Variants in PIR observed in about 807,000 individuals in gnomAD.
The protein encoded by PIR is pirin, also known as pirin (iron-binding nuclear protein).
A neutral mutation model predicts 24.2 loss-of-function variants in PIR; 22 were observed. That is an observed-to-expected ratio of 0.91 (90% CI 0.65 to 1.30). PIR has a LOEUF of 1.30. Among genes scored for constraint, PIR ranks in the 50% most tolerant of loss-of-function variants. The probability of loss-of-function intolerance (pLI) is 0.00; values close to 1 mark genes in which losing one functional copy is unlikely to be tolerated. For synonymous variants in PIR, 80 were observed against 79.6 expected (o/e 1.00, Z -0.03); for missense variants, 220 against 220.3 (o/e 1.00, Z 0.01).
chrX:15,485,195 A>G (rs1052853460), intron 2 of PIR, among the ~76,000 whole-genome samples: 4 of 112,202 alleles, frequency 3.6e-5, no homozygotes, highest in African/African-American at 1.3e-4. Flanking sequence ...AACTGGCTGG[A>G]TTATAAACAA....
At chrX:15,472,535 T>C (rs756936995) in intron 3 of PIR, among the ~76,000 whole-genome samples, 148 of 112,496 alleles carry the variant, frequency 1.3e-3, no homozygotes, top group African/African-American at 4.6e-3. Context: ...GAATGAACCT[T>C]GAAAACATTA....
intron 5 of PIR, among the ~76,000 whole-genome samples, chrX:15,444,477 C>T (rs1926022018): frequency 9.0e-6 from 1 of 111,668 alleles, no homozygotes; most frequent in Non-Finnish European, 1.9e-5. Context: ...CCCTTTATTA[C>T]AGTGATCTGG....
intron 2 of PIR, among the ~76,000 whole-genome samples, chrX:15,482,085 C>T (rs1922534686): frequency 8.9e-6 from 1 of 111,961 alleles, no homozygotes; most frequent in South Asian, 3.7e-4. Context: ...GGCACTTAAT[C>T]GCTCCCTATG....
At chrX:15,432,606 G>A (rs947707386) in intron 5 of PIR, among the ~76,000 whole-genome samples, 13 of 112,267 alleles carry the variant, frequency 1.2e-4, no homozygotes, top group African/African-American at 3.6e-4. Flanking sequence ...TTGCTGGAGC[G>A]AATGACATAA....
chrX:15,399,126 G>C (rs756485305), intron 7 of PIR, among the ~76,000 whole-genome samples: 3 of 111,672 alleles, frequency 2.7e-5, no homozygotes, highest in Non-Finnish European at 5.6e-5. Flanking sequence ...GGGCAGGAGA[G>C]AGAAGGTTTC....
Position 15,385,116 on chromosome X carries a change from C to A in PIR, c.761G>T (p.Gly254Val), listed in dbSNP as rs996737505. 61 of 1,059,152 alleles carry A rather than the reference C, an allele frequency of 5.8e-5. No individual in the cohort carries two copies. The highest frequency in any genetic ancestry group is 6.7e-5 in the Non-Finnish European group (51 of 764,323). 87.3% of individuals were successfully genotyped at this position (1,059,152 alleles called of 1,213,427 possible). Residue 254 changes from glycine to valine, a missense_variant and splice_region_variant, in exon 10 of 10, where the codon GGT becomes GTT. Coordinates refer to ENST00000380420, the MANE Select transcript of PIR (RefSeq NM_001018109.3). ...TTCATTGGTGTTCATCACAAATGGA[C>A]CTAGGGCAGAAAGAGACATTCAGAA... ...EPLREPVIQH[G>V]PFVMNTNEEI...
chrX:15,406,231 G>A (rs1295036040), intron 7 of PIR, among the ~76,000 whole-genome samples: 1 of 112,581 alleles, frequency 8.9e-6, no homozygotes, highest in East Asian at 2.8e-4. Context: ...TGGGGATGAG[G>A]AGGAGAAAAC....
intron 5 of PIR, among the ~76,000 whole-genome samples, chrX:15,453,723 G>A (rs984896563): frequency 8.9e-6 from 1 of 111,966 alleles, no homozygotes; most frequent in Non-Finnish European, 1.9e-5. Flanking sequence ...TCTTATCCTT[G>A]GCTGTGATTA....
chrX:15,457,711 T>G (rs1212320167), intron 4 of PIR, among the ~76,000 whole-genome samples: 5 of 112,170 alleles, frequency 4.5e-5, no homozygotes, highest in Non-Finnish European at 7.5e-5. Flanking sequence ...AGGAGGCCAG[T>G]GCATACTTTA....
intron 4 of PIR, among the ~76,000 whole-genome samples, chrX:15,457,834 C>T (rs1427243621): frequency 1.8e-5 from 2 of 112,321 alleles, no homozygotes; most frequent in Non-Finnish European, 3.8e-5. Flanking sequence ...CCAATCTAAC[C>T]TGCCACCTGT....
At chrX:15,475,253 C>T (rs1922134266) in intron 3 of PIR, among the ~76,000 whole-genome samples, 1 of 111,212 alleles carries the variant, frequency 9.0e-6, no homozygotes, top group Non-Finnish European at 1.9e-5. Flanking sequence ...TAATTATGAG[C>T]GTGGCTTTTC....
intron 3 of PIR, among the ~76,000 whole-genome samples, chrX:15,471,728 G>A (rs1015590973): frequency 8.9e-6 from 1 of 111,808 alleles, no homozygotes; most frequent in African/African-American, 3.3e-5. Context: ...TGTTAGAAGG[G>A]ATAGCTTCTG....
chrX:15,415,222 G>A (rs1248776148), intron 6 of PIR, among the ~76,000 whole-genome samples: 1 of 111,628 alleles, frequency 9.0e-6, no homozygotes, highest in Non-Finnish European at 1.9e-5. Flanking sequence ...TTCCTCATCT[G>A]AAAAATGAGG....
At chrX:15,446,133 CAAGAT>C (rs1229196347) in intron 5 of PIR, among the ~76,000 whole-genome samples, 3 of 111,394 alleles carry the variant, frequency 2.7e-5, no homozygotes, top group Non-Finnish European at 3.8e-5. Context: ...CCGGCCTATT[CAAGAT>C]ATTTCTAAAA....
At chrX:15,427,032 C>A (rs1925340153) in intron 5 of PIR, among the ~76,000 whole-genome samples, 1 of 111,485 alleles carries the variant, frequency 9.0e-6, no homozygotes, top group South Asian at 3.8e-4. Context: ...ATACTATACA[C>A]CAAGGAGAAT....
chrX:15,445,373 C>A (rs1260797534), intron 5 of PIR, among the ~76,000 whole-genome samples: 2 of 110,200 alleles, frequency 1.8e-5, no homozygotes, highest in Non-Finnish European at 3.8e-5. Flanking sequence ...CATCACACAC[C>A]CGGGCCAGTC....
Position 15,459,648 on chromosome X carries a change from T to C in PIR, c.273+9A>G. 2 of 1,149,187 alleles carry C rather than the reference T, an allele frequency of 1.7e-6. No homozygotes were observed. Among genetic ancestry groups the C allele is most frequent in the Non-Finnish European group, 2.4e-6 (2 of 838,711 alleles). The allele number at this position is 1,149,187 out of a possible 1,213,427, so 94.7% of individuals were successfully genotyped here. A position where few individuals can be genotyped will look rare whatever the true frequency, so the allele number is the denominator to read the frequency against. ...TAAACCACCAGCAATTCCTTGTCCT[T>C]GGCCATACCTGCAAATCTCCTGGGT... On this transcript the variant is annotated intron_variant, in intron 4 of 9. Transcript: ENST00000380420.
intron 4 of PIR, among the ~76,000 whole-genome samples, chrX:15,458,055 T>C (rs1921152399): frequency 8.9e-6 from 1 of 112,641 alleles, no homozygotes; most frequent in African/African-American, 3.2e-5. Context: ...ATTTCTTCTG[T>C]CTAATGATAG....
At chrX:15,437,502 G>C (rs1041784925) in intron 5 of PIR, among the ~76,000 whole-genome samples, 11 of 111,796 alleles carry the variant, frequency 9.8e-5, no homozygotes, top group Admixed American at 9.5e-4. Flanking sequence ...CTGTATATTA[G>C]GTGAAAATGG....
Sources: gnomAD v4.1 joint callset for allele counts (sites outside exome capture counted in the v4.1 genomes callset) on GRCh38, gnomAD v4.1.1 for gene constraint, MANE v1.5 for transcripts, NCBI Gene and HGNC (gene_info 2026-07-23, HGNC 2026-07-21) for gene names.